The following ESRRG variants were observed in gnomAD, a reference collection of about 807,000 sequenced individuals.
ESRRG encodes the protein estrogen-related receptor gamma.
Under a neutral mutation model 44.0 loss-of-function variants are expected in ESRRG, and 13 were observed. That is an observed-to-expected ratio of 0.30 (90% confidence interval 0.19 to 0.47). The LOEUF is 0.47. Ranked by LOEUF, ESRRG falls within the 20% of genes least tolerant of loss-of-function variation. The probability of loss-of-function intolerance (pLI) is 1.00; values close to 1 mark genes in which losing one functional copy is unlikely to be tolerated. For synonymous variants in ESRRG, 215 were observed against 214.6 expected, an observed-to-expected ratio of 1.00 and a Z score of -0.02; for missense variants, 395 against 580.6, an observed-to-expected ratio of 0.68 and a Z score of 3.29.
In ESRRG at chr1:216,951,904, T is replaced by TAA. The variant is rs571748059; in HGVS notation, c.-105-12233_-105-12232dup. 4.7e-4 allele frequency among the ~76,000 whole-genome samples: 72 copies of TAA among 151,594 alleles called. 1 individual carries two copies. In the South Asian group the frequency reaches 0.013, roughly 28 times the overall value. ...ACATATGTTTGCATATATATATATA[T>TAA]AATATATACATAAAGGTTCTGCACT... On this transcript the variant is annotated intron_variant, in intron 1 of 7. Transcript: ENST00000359162.
At chr1:217,103,049 A>G (rs566399471) in intron 1 of ESRRG, among the ~76,000 whole-genome samples, 3 of 152,284 alleles carry the variant, frequency 2.0e-5, no homozygotes, top group African/African-American at 7.2e-5. Flanking sequence ...ACTGTCAAAT[A>G]ATTCTGTCAT....
In ESRRG at chr1:217,075,597, C is replaced by T. The variant is rs1051373570; in HGVS notation, c.-106+13910G>A. On this transcript the variant is annotated intron_variant, in intron 1 of 7. Coordinates refer to the ESRRG transcript ENST00000359162. ...GCTTCAAATTGCTCCTTTCCCCCCCCCAACATTAATTACTAGAGTCTATTC... is the reference window on the plus strand; with the variant it reads ...GCTTCAAATTGCTCCTTTCCCCCCCTCAACATTAATTACTAGAGTCTATTC... Among the ~76,000 whole-genome samples, 3 of 149,126 alleles carry T rather than the reference C, an allele frequency of 2.0e-5. No individual in the cohort carries two copies. The East Asian group carries it at 6.5e-4, about 32-fold the overall frequency.
At chr1:217,044,171 A>G (rs1475131614) in intron 1 of ESRRG, among the ~76,000 whole-genome samples, 2 of 152,162 alleles carry the variant, frequency 1.3e-5, no homozygotes, top group Non-Finnish European at 2.9e-5. Context: ...TTCTTCCTCC[A>G]TAGGATGTAC....
At chr1:216,630,823 G>A (rs1659959375) in intron 3 of ESRRG, among the ~76,000 whole-genome samples, 1 of 152,074 alleles carries the variant, frequency 6.6e-6, no homozygotes, top group Non-Finnish European at 1.5e-5. Context: ...GACGTCCACT[G>A]CAAAGGGTCT....
intron 3 of ESRRG, among the ~76,000 whole-genome samples, chr1:216,610,578 C>T (rs576115899): frequency 6.6e-6 from 1 of 152,218 alleles, no homozygotes; most frequent in South Asian, 2.1e-4. Flanking sequence ...TCTCCCCTAG[C>T]TCTGCCACCT....
intron 3 of ESRRG, among the ~76,000 whole-genome samples, chr1:216,614,142 G>A (rs1432970681): frequency 6.6e-6 from 1 of 152,204 alleles, no homozygotes; most frequent in Admixed American, 6.5e-5. Context: ...GATCAGCAGT[G>A]CAGTGCATGG....
chr1:216,670,700 C>T (rs981359157), intron 2 of ESRRG, among the ~76,000 whole-genome samples: 2 of 152,130 alleles, frequency 1.3e-5, no homozygotes, highest in African/African-American at 4.8e-5. Context: ...TTCTGGTGTG[C>T]ACATTAGACC....
At chr1:216,591,064 A>G (rs2057577251) in intron 3 of ESRRG, among the ~76,000 whole-genome samples, 1 of 152,016 alleles carries the variant, frequency 6.6e-6, no homozygotes, top group Non-Finnish European at 1.5e-5. Context: ...GGGTGAGGAG[A>G]ACCTCTTTTT....
chr1:216,866,589 T>C (rs1020803046), intron 2 of ESRRG, among the ~76,000 whole-genome samples: 7 of 151,810 alleles, frequency 4.6e-5, no homozygotes, highest in African/African-American at 1.7e-4. Context: ...TTTTTTTCTT[T>C]GAGATAGGGT....
At chr1:216,892,604 C>T (rs147695018) in intron 2 of ESRRG, among the ~76,000 whole-genome samples, 4 of 152,088 alleles carry the variant, frequency 2.6e-5, no homozygotes, top group African/African-American at 9.7e-5. Flanking sequence ...TCAGTTCATG[C>T]AGGCTGAGTC....
chr1:216,967,683 C>T (rs1230749183), intron 1 of ESRRG, among the ~76,000 whole-genome samples: 1 of 152,152 alleles, frequency 6.6e-6, no homozygotes, highest in Non-Finnish European at 1.5e-5. Flanking sequence ...GTTATGAATA[C>T]AGCTGCTATA....
At chr1:216,736,329 G>A (rs1182826381) in intron 2 of ESRRG, among the ~76,000 whole-genome samples, 2 of 151,618 alleles carry the variant, frequency 1.3e-5, no homozygotes, top group South Asian at 2.1e-4. Flanking sequence ...GACTACAGCC[G>A]TCCGCCACCA....
intron 5 of ESRRG, among the ~76,000 whole-genome samples, chr1:216,530,568 C>T (rs1354008534): frequency 6.6e-6 from 1 of 152,142 alleles, no homozygotes; most frequent in Non-Finnish European, 1.5e-5. Flanking sequence ...CCTACACGCA[C>T]ATTAAGCACA....
chr1:216,524,895 A>T (rs2047167199), intron 5 of ESRRG, among the ~76,000 whole-genome samples: 1 of 152,168 alleles, frequency 6.6e-6, no homozygotes, highest in Non-Finnish European at 1.5e-5. Flanking sequence ...CAGAAACGCA[A>T]AGGTAATATC....
intron 2 of ESRRG, among the ~76,000 whole-genome samples, chr1:216,764,916 C>A (rs1256630486): frequency 6.6e-6 from 1 of 151,966 alleles, no homozygotes; most frequent in Non-Finnish European, 1.5e-5. Context: ...GGGTGGAGTG[C>A]AGAACTTGGG....
At chr1:216,857,106 T>C (rs1276488805) in intron 2 of ESRRG, among the ~76,000 whole-genome samples, 7 of 152,146 alleles carry the variant, frequency 4.6e-5, no homozygotes, top group Admixed American at 4.6e-4. Context: ...TCCAGCTTGC[T>C]AATTTTTTAC....
At chr1:216,757,858 T>C (rs2092547590) in intron 2 of ESRRG, among the ~76,000 whole-genome samples, 1 of 152,052 alleles carries the variant, frequency 6.6e-6, no homozygotes, top group Non-Finnish European at 1.5e-5. Context: ...AGGCTTCAAA[T>C]ACATTGAAAA....
At chr1:216,686,477 GC>G (rs1333059583) in intron 1 of ESRRG, among the ~76,000 whole-genome samples, 1 of 146,180 alleles carries the variant, frequency 6.8e-6, no homozygotes, top group Non-Finnish European at 1.5e-5. Context: ...GGATTATTCA[GC>G]AGAAACATAG....
rs2149479840 is a variant in ESRRG, at chr1:216,900,465, C to T, written c.-14+39117G>A. ...CCAGAATCAAGCAGTAATGGGAACA[C>T]TCCCTGAAGCACTTAGAGAATTGAG... On this transcript the variant is annotated intron_variant, in intron 2 of 7. Coordinates refer to the ESRRG transcript ENST00000359162. 1.3e-5 allele frequency among the ~76,000 whole-genome samples: 2 copies of T among 152,306 alleles called. 1 individual carries two copies. Among genetic ancestry groups the T allele is most frequent in the South Asian group, 4.1e-4 (2 of 4,828 alleles).
Sources: allele counts gnomAD v4.1 joint callset (sites outside exome capture counted in the v4.1 genomes callset), GRCh38; gene constraint gnomAD v4.1.1; transcripts MANE v1.5; gene names NCBI Gene and HGNC (gene_info 2026-07-23, HGNC 2026-07-21).